DAZAP1: variants seen among roughly 807,000 people sequenced by gnomAD.
DAZAP1 encodes DAZ associated protein 1.
DAZAP1 carries 6 observed loss-of-function variants against 60.1 expected under a neutral mutation model. The ratio of observed to expected loss-of-function variants is 0.10; its 90% CI spans 0.05 to 0.20. The LOEUF (loss-of-function observed/expected upper bound fraction) is 0.20, where lower values mean the gene tolerates loss of function less well. DAZAP1 is among the 10% of genes least tolerant of loss of function. The probability of loss-of-function intolerance (pLI) is 1.00; values close to 1 mark genes in which losing one functional copy is unlikely to be tolerated. For synonymous variants in DAZAP1, 235 were observed against 215.9 expected, an observed-to-expected ratio of 1.09 and a Z score of -0.78; for missense variants, 366 against 560.4, an observed-to-expected ratio of 0.65 and a Z score of 3.50.
At chr19:1,415,945 G>A (rs938682248) in intron 1 of DAZAP1, 1 of 152,104 alleles carries the variant, frequency 6.6e-6, no homozygotes, top group Non-Finnish European at 1.5e-5. Flanking sequence ...CCTGTGGTGG[G>A]AACATGCTTT....
Position 1,418,841 on chromosome 19 carries a change from G to T in DAZAP1, c.303+110G>T. 3 of 1,165,190 alleles carry T rather than the reference G, an allele frequency of 2.6e-6. No individual in the cohort carries two copies. In the South Asian group the frequency reaches 4.6e-5, roughly 18 times the overall value. The allele number at this position is 1,165,190 out of a possible 1,614,324, so 72.2% of individuals were successfully genotyped here. On this transcript the variant is annotated intron_variant, in intron 4 of 11. Coordinates refer to ENST00000233078, the MANE Select transcript of DAZAP1 (RefSeq NM_018959.4). The surrounding 1 kb of genome is among the most constrained non-coding windows in gnomAD (Gnocchi z 5.7). ...CTCGTTAAGATTGAGGGCGACGCAG[G>T]TCTTCTGGGTTGGCACTCGAGCAGC...
intron 1 of DAZAP1, among the ~76,000 whole-genome samples, chr19:1,408,030 TGG>T (rs1053402657): frequency 2.7e-5 from 4 of 149,812 alleles, no homozygotes; most frequent in African/African-American, 9.9e-5. Flanking sequence ...CTTCCCGTCC[TGG>T]GGGATCCTGA....
In DAZAP1 at chr19:1,432,602, T is replaced by A. The variant is rs2083481584; in HGVS notation, c.960T>A (p.Pro320=). ...PPPPATPGAA[P]LAFPPPPSQA... ...CACCAGCCACTCCCGGGGCAGCACC[T>A]CTGGCTTTCCCACCGCCTCCGTCTC... The change falls in exon 11 of 12, where the codon CCT becomes CCA. Residue 320 remains proline, a synonymous_variant. Coordinates refer to ENST00000233078, the MANE Select transcript of DAZAP1 (RefSeq NM_018959.4). This position sits in a 1 kb window ranked among gnomAD's most constrained non-coding sequence, Gnocchi z 4.9. The A allele has an allele frequency of 6.2e-7, 1 of 1,613,656 alleles. No individual in the cohort carries two copies. Among genetic ancestry groups the A allele is most frequent in the Non-Finnish European group, 8.5e-7 (1 of 1,179,988 alleles).
At chr19:1,431,655 C>A (rs186465210) in intron 10 of DAZAP1, among the ~76,000 whole-genome samples, 1 of 152,320 alleles carries the variant, frequency 6.6e-6, no homozygotes, top group African/African-American at 2.4e-5. Context: ...TCTTGAACTC[C>A]TGACCTCAGC....
At position 1,407,609 on chromosome 19, in the gene DAZAP1, G is replaced by C. The variant is rs1255305856; in HGVS notation, c.-165G>C. ...ACGCGCGGTGACCGTTGGCGCCGAG[G>C]GGAGGAGGCAGCCGCCGCCGCCGCC... is the stretch of plus-strand genomic sequence containing the variant. On this transcript the variant is annotated 5_prime_UTR_variant, in exon 1 of 12. Transcript: ENST00000233078. 2.3e-5 allele frequency: 7 copies of C among 304,408 alleles called. No homozygotes were observed. Among genetic ancestry groups the C allele is most frequent in the Non-Finnish European group, 3.2e-5 (7 of 221,760 alleles). The allele number at this position is 304,408 out of a possible 1,614,324, so 18.9% of individuals were successfully genotyped here. A position where few individuals can be genotyped will look rare whatever the true frequency, so the allele number is the denominator to read the frequency against.
chr19:1,431,722 G>A (rs1407157984), intron 10 of DAZAP1, among the ~76,000 whole-genome samples: 2 of 152,236 alleles, frequency 1.3e-5, no homozygotes, highest in Non-Finnish European at 2.9e-5. Context: ...CTCCAGTAGA[G>A]AAGAAGGGAC....
chr19:1,431,134 A>G (rs2144919901), intron 10 of DAZAP1, among the ~76,000 whole-genome samples: 1 of 143,292 alleles, frequency 7.0e-6, no homozygotes, highest in African/African-American at 2.6e-5. Context: ...TTATTTATTT[A>G]TGGTTTTTTT....
In DAZAP1 at chr19:1,422,630, T is replaced by C. The variant is rs2083191016; in HGVS notation, c.463+234T>C. Among the ~76,000 whole-genome samples the C allele has an allele frequency of 6.6e-6, 1 of 152,188 alleles. No homozygotes were observed. The highest frequency in any genetic ancestry group is 1.5e-5 in the Non-Finnish European group (1 of 68,032). On this transcript the variant is annotated intron_variant, in intron 6 of 11. Transcript: ENST00000233078. The surrounding 1 kb of genome is among the most constrained non-coding windows in gnomAD (Gnocchi z 4.5). ...TTTTTGGCTTGTTCTTTTGAAGTTT[T>C]TACGACTTGTCATGAGTCTCGGCCT...
At position 1,430,789 on chromosome 19, in the gene DAZAP1, C is replaced by T. The variant is rs553234817; in HGVS notation, c.871+427C>T. 8.6e-5 allele frequency among the ~76,000 whole-genome samples: 13 copies of T among 151,122 alleles called. No homozygotes were observed. The South Asian group carries it at 1.5e-3, about 17-fold the overall frequency. ...AGGCTGGAGTGCAGTGGCGCAATCGCGGCTCACTGCAAGCTCCGCCTCCTG... is the reference window on the plus strand; with the variant it reads ...AGGCTGGAGTGCAGTGGCGCAATCGTGGCTCACTGCAAGCTCCGCCTCCTG... On this transcript the variant is annotated intron_variant, in intron 10 of 11. Coordinates refer to ENST00000233078, the MANE Select transcript of DAZAP1 (RefSeq NM_018959.4).
At position 1,432,477 on chromosome 19, in the gene DAZAP1, A is replaced by G; in HGVS notation, c.872-37A>G. On this transcript the variant is annotated intron_variant, in intron 10 of 11. Transcript: ENST00000233078. The surrounding 1 kb of genome is among the most constrained non-coding windows in gnomAD (Gnocchi z 4.9). ...CCTGCTGGTCTGCCCCCAGCTGCACAACGTGTCTTGTGCCTTGCCCTCTTG... is the reference window on the plus strand; with the variant it reads ...CCTGCTGGTCTGCCCCCAGCTGCACGACGTGTCTTGTGCCTTGCCCTCTTG... The G allele has an allele frequency of 1.2e-6, 2 of 1,611,368 alleles. No individual in the cohort carries two copies. The highest frequency in any genetic ancestry group is 1.7e-5 in the Admixed American group (1 of 59,994).
In DAZAP1 at chr19:1,435,011, T is replaced by TCG. The variant is rs1335260080; in HGVS notation, c.*99_*100insCG. On this transcript the variant is annotated 3_prime_UTR_variant, in exon 12 of 12. Transcript: ENST00000233078. ...TGGCGGCAAAGTGGCGACTCAACCT[T>TCG]GGGGGGGGGGGCGGGGGGAGGGCGC... 1 of 18,340 alleles carries TCG rather than the reference T, an allele frequency of 5.5e-5. No individual in the cohort carries two copies. Among genetic ancestry groups the TCG allele is most frequent in the Non-Finnish European group, 1.1e-4 (1 of 8,906 alleles). 1.1% of individuals were successfully genotyped at this position (18,340 alleles called of 1,614,324 possible). A position where few individuals can be genotyped will look rare whatever the true frequency, so the allele number is the denominator to read the frequency against.
At position 1,433,732 on chromosome 19, in the gene DAZAP1, T is replaced by C; in HGVS notation, c.1049-1005T>C. 16 of 1,613,090 alleles carry C rather than the reference T, an allele frequency of 9.9e-6. No individual in the cohort carries two copies. The highest frequency in any genetic ancestry group is 1.3e-5 in the African/African-American group (1 of 75,018). On this transcript the variant is annotated intron_variant, in intron 11 of 11. Transcript: ENST00000233078. This position sits in a 1 kb window ranked among gnomAD's most constrained non-coding sequence, Gnocchi z 6.1. ...GGGTTGGTCACCCTGGTCTCGTCTC[T>C]TGCCAGGCCTGGGTTCCTATTCTCC...
At chr19:1,424,687 C>T (rs1254727519) in intron 6 of DAZAP1, among the ~76,000 whole-genome samples, 2 of 152,118 alleles carry the variant, frequency 1.3e-5, no homozygotes, top group African/African-American at 4.8e-5. Flanking sequence ...GCCCGTGCTG[C>T]GCTGTCCCCT....
Position 1,429,015 on chromosome 19 carries a change from G to A in DAZAP1, c.700+20G>A, listed in dbSNP as rs1208268430. ...CGCAAGGTAAGGCTGATGCAGAGGT[G>A]CCCACGGGAATGTCCCCCTTCTCGG... On this transcript the variant is annotated intron_variant, in intron 8 of 11. Transcript: ENST00000233078. 6.4e-7 allele frequency: 1 copy of A among 1,555,978 alleles called. No homozygotes were observed. Among genetic ancestry groups the A allele is most frequent in the South Asian group, 1.2e-5 (1 of 83,136 alleles).
At position 1,421,146 on chromosome 19, in the gene DAZAP1, A is replaced by C; in HGVS notation, c.304-2A>C. ...ACTAACTATCCTTCCCTTCTTCAAC[A>C]GCAGAAAGGACCCAGGAGCGATAAC... On this transcript the variant is annotated splice_acceptor_variant, in intron 4 of 11. Transcript: ENST00000233078. LOFTEE classifies it high-confidence loss of function. 3 of 1,613,450 alleles carry C rather than the reference A, an allele frequency of 1.9e-6. No individual in the cohort carries two copies. The highest frequency in any genetic ancestry group is 2.5e-6 in the Non-Finnish European group (3 of 1,179,402).
chr19:1,421,667 G>A (rs1405538719), intron 5 of DAZAP1, among the ~76,000 whole-genome samples: 1 of 152,262 alleles, frequency 6.6e-6, no homozygotes, highest in Admixed American at 6.5e-5. Context: ...AGTGCCAGAG[G>A]GAGCTGGGAC....
At chr19:1,417,449 T>C (rs1368420065) in intron 1 of DAZAP1, 51 bp from the exon 2 acceptor site, 1 of 1,569,490 alleles carries the variant, frequency 6.4e-7, no homozygotes, top group Non-Finnish European at 8.6e-7. Context: ...ATGGGGGCAT[T>C]TCTAAGGCGA....
At chr19:1,424,923 G>A (rs1031793076) in intron 6 of DAZAP1, among the ~76,000 whole-genome samples, 1 of 152,268 alleles carries the variant, frequency 6.6e-6, no homozygotes, top group South Asian at 2.1e-4. Context: ...TGGAGAGCCC[G>A]GCGCACTCCT....
At chr19:1,429,789 G>A (rs1016836270) in intron 8 of DAZAP1, among the ~76,000 whole-genome samples, 178 bp from the exon 9 acceptor site, 1 of 152,224 alleles carries the variant, frequency 6.6e-6, no homozygotes, top group South Asian at 2.1e-4. Context: ...TCTACAAGGG[G>A]TGGGGAGTGC....
Sources: gnomAD v4.1 joint callset for allele counts (sites outside exome capture counted in the v4.1 genomes callset) on GRCh38, gnomAD v4.1.1 for gene constraint, Gnocchi (gnomAD v3.1) non-coding constraint, MANE v1.5 for transcripts, NCBI Gene and HGNC (gene_info 2026-07-23, HGNC 2026-07-21) for gene names.